ACTN1: variants seen among roughly 807,000 people sequenced by gnomAD.
ACTN1 encodes the protein actinin alpha 1, also known as alpha-actinin-1.
ACTN1 carries 30 observed loss-of-function variants against 119.6 expected under a neutral mutation model. The ratio of observed to expected loss-of-function variants is 0.25; its 90% confidence interval spans 0.19 to 0.34. The LOEUF (loss-of-function observed/expected upper bound fraction) is 0.34, where lower values mean the gene tolerates loss of function less well. ACTN1 is among the 10% of genes least tolerant of loss of function. The pLI, the probability that ACTN1 is intolerant of heterozygous loss-of-function variation, is 1.00. For missense variants in ACTN1, 764 were observed against 1,223.4 expected (o/e 0.62, Z 5.60); for synonymous variants, 429 against 472.6 (o/e 0.91, Z 1.20).
chr14:68,970,094 C>A (rs936026511), intron 1 of ACTN1, among the ~76,000 whole-genome samples: 3 of 152,148 alleles, frequency 2.0e-5, no homozygotes, highest in African/African-American at 7.2e-5. Context: ...CCTGGCCTGG[C>A]CTCAAATCAC....
At chr14:68,939,515 T>C (rs1227631515) in intron 1 of ACTN1, among the ~76,000 whole-genome samples, 3 of 152,194 alleles carry the variant, frequency 2.0e-5, no homozygotes, top group Non-Finnish European at 2.9e-5. Context: ...TGTGAGCTAG[T>C]GCAAAGGGCT....
At chr14:68,976,693 G>A (rs1440538974) in intron 1 of ACTN1, among the ~76,000 whole-genome samples, 2 of 152,188 alleles carry the variant, frequency 1.3e-5, no homozygotes, top group Non-Finnish European at 2.9e-5. Flanking sequence ...CAAGTGAGGG[G>A]AAGCTGCCAG....
chr14:68,876,429 G>C (rs1304344525), intron 21 of ACTN1, among the ~76,000 whole-genome samples: 2 of 147,094 alleles, frequency 1.4e-5, no homozygotes, highest in Non-Finnish European at 3.0e-5. Flanking sequence ...TCTAATATTC[G>C]AGGGATCTGT....
intron 1 of ACTN1, among the ~76,000 whole-genome samples, chr14:68,938,846 GT>G (rs1015117032): frequency 6.6e-6 from 1 of 152,074 alleles, no homozygotes; most frequent in Non-Finnish European, 1.5e-5. Context: ...AAGTCCTGTT[GT>G]TTTTTTTCCC....
chr14:68,952,722 T>C (rs981335591), intron 1 of ACTN1, among the ~76,000 whole-genome samples: 1 of 151,702 alleles, frequency 6.6e-6, no homozygotes, highest in Admixed American at 6.6e-5. Context: ...AAATTAAACG[T>C]TCAGTATCTT....
At chr14:68,902,328 G>A (rs1031752727) in intron 8 of ACTN1, 149 bp downstream of exon 8, 32 of 670,926 alleles carry the variant, frequency 4.8e-5, no homozygotes, top group Non-Finnish European at 7.6e-5. Flanking sequence ...AGAACAACAC[G>A]CCACTTCAGA....
intron 3 of ACTN1, among the ~76,000 whole-genome samples, chr14:68,917,300 T>C (rs965817243): frequency 2.0e-5 from 3 of 152,154 alleles, no homozygotes; most frequent in Admixed American, 2.0e-4. Flanking sequence ...CCCGGCTCCA[T>C]TTCCCAAGGC....
intron 6 of ACTN1, among the ~76,000 whole-genome samples, chr14:68,905,937 C>T (rs569981249): frequency 8.0e-5 from 12 of 150,502 alleles, no homozygotes; most frequent in African/African-American, 2.9e-4. Context: ...GAGCCAAGAT[C>T]GCGCTGCTGC....
At chr14:68,883,415 A>G (rs1281903330) in intron 14 of ACTN1, 2 of 211,748 alleles carry the variant, frequency 9.4e-6, no homozygotes, top group Non-Finnish European at 1.9e-5. Flanking sequence ...CTGCAACTGC[A>G]TGAAAGATTG....
At chr14:68,970,419 G>A (rs557347634) in intron 1 of ACTN1, among the ~76,000 whole-genome samples, 2 of 152,292 alleles carry the variant, frequency 1.3e-5, no homozygotes, top group East Asian at 1.9e-4. Context: ...AACCTCAAAC[G>A]TTACGGGTTT....
At chr14:68,967,408 C>T (rs140661514) in intron 1 of ACTN1, among the ~76,000 whole-genome samples, 30 of 152,312 alleles carry the variant, frequency 2.0e-4, no homozygotes, top group African/African-American at 6.0e-4. Context: ...TGCTTACCTG[C>T]TCTTTGGGGT....
chr14:68,958,663 T>C (rs1052908512), intron 1 of ACTN1, among the ~76,000 whole-genome samples: 2 of 152,044 alleles, frequency 1.3e-5, no homozygotes, highest in Middle Eastern at 3.2e-3. Context: ...CAGGAAAACA[T>C]CCACATGAAA....
At chr14:68,875,142 T>C in intron 21 of ACTN1, 125 bp from the exon 22 acceptor site, 2 of 1,541,814 alleles carry the variant, frequency 1.3e-6, no homozygotes, top group Non-Finnish European at 1.7e-6. Flanking sequence ...GCCTCCCTCC[T>C]GTAACTACAG....
At chr14:68,912,312 C>A in intron 3 of ACTN1, 70 bp from the exon 4 acceptor site, 1 of 1,171,494 alleles carries the variant, frequency 8.5e-7, no homozygotes, top group East Asian at 2.3e-5. Flanking sequence ...CCCTCAGCAC[C>A]CACAGCACTC....
intron 1 of ACTN1, among the ~76,000 whole-genome samples, chr14:68,962,287 C>A (rs1251810503): frequency 6.6e-6 from 1 of 152,128 alleles, no homozygotes; most frequent in East Asian, 1.9e-4. Flanking sequence ...GGCGAGCAAG[C>A]AGGAGAGGCA....
Position 68,893,688 on chromosome 14 carries a change from C to G in ACTN1, c.822G>C (p.Gln274His). ...CCAGCTTCTCGTAGTCTTCCATAAG[C>G]TGCTCGTTCTCCTGGTTGACGGCCA... Reference protein sequence around the residue: ...KVLAVNQENEQLMEDYEKLAS... With the variant: ...KVLAVNQENEHLMEDYEKLAS... Residue 274 changes from glutamine (Q) to histidine (H), a missense_variant, in exon 9 of 22, where the codon CAG (glutamine) becomes CAC (histidine). Around this residue, in one of 4 missense-constraint regions of ACTN1, gnomAD observed 544 missense variants for 912.0 expected, o/e 0.60. Coordinates refer to ENST00000394419, the MANE Select transcript of ACTN1 (RefSeq NM_001130004.2). The G allele has an allele frequency of 1.2e-6, 2 of 1,614,180 alleles. No individual in the cohort carries two copies. Among genetic ancestry groups the G allele is most frequent in the South Asian group, 2.2e-5 (2 of 91,084 alleles).
At chr14:68,912,327 C>A in intron 3 of ACTN1, 85 bp from the exon 4 acceptor site, 1 of 1,051,700 alleles carries the variant, frequency 9.5e-7, no homozygotes, top group Non-Finnish European at 1.5e-6. Flanking sequence ...GCACTCCATG[C>A]CCCACGCTAG....
intron 1 of ACTN1, among the ~76,000 whole-genome samples, chr14:68,934,171 C>G (rs1344709073): frequency 6.6e-6 from 1 of 152,208 alleles, no homozygotes. Flanking sequence ...AATAAAGTTA[C>G]ACACGTAATA....
intron 1 of ACTN1, among the ~76,000 whole-genome samples, chr14:68,963,732 C>T (rs2036614468): frequency 6.6e-6 from 1 of 152,206 alleles, no homozygotes; most frequent in African/African-American, 2.4e-5. Flanking sequence ...ATTTCTTCTC[C>T]GCTTGTCCTT....
Sources: allele counts gnomAD v4.1 joint callset (sites outside exome capture counted in the v4.1 genomes callset), GRCh38; gene constraint gnomAD v4.1.1; regional missense constraint gnomAD v4.1.1; transcripts MANE v1.5; gene names NCBI Gene and HGNC (gene_info 2026-07-23, HGNC 2026-07-21).